The following GRM7 variants were observed in gnomAD, a reference collection of about 807,000 sequenced individuals.
GRM7 encodes the protein glutamate metabotropic receptor 7, also known as metabotropic glutamate receptor 7.
GRM7 carries 35 observed loss-of-function variants against 84.5 expected under a neutral mutation model. The observed-to-expected ratio is 0.41, with a 90% CI of 0.32 to 0.55. GRM7 has a LOEUF of 0.55. Ranked by LOEUF, GRM7 falls within the 20% of genes least tolerant of loss-of-function variation. The pLI, the probability that GRM7 is intolerant of heterozygous loss-of-function variation, is 0.19. For synonymous variants in GRM7, 487 were observed against 455.1 expected, an observed-to-expected ratio of 1.07 and a Z score of -0.89; for missense variants, 1,003 against 1,194.6, an observed-to-expected ratio of 0.84 and a Z score of 2.36.
intron 1 of GRM7, chr3:6,892,564 AG>A (rs1696004779): frequency 1.3e-5 from 2 of 152,188 alleles, no homozygotes; most frequent in Admixed American, 1.3e-4. Context: ...TATTCCTGTC[AG>A]GGACAAGAGC....
At chr3:7,437,661 T>A (rs1235740973) in intron 5 of GRM7, among the ~76,000 whole-genome samples, 2 of 152,184 alleles carry the variant, frequency 1.3e-5, no homozygotes, top group African/African-American at 4.8e-5. Context: ...TATAGCTGAT[T>A]CACGTCTGCC....
At chr3:6,983,114 T>C (rs1029947355) in intron 1 of GRM7, among the ~76,000 whole-genome samples, 1 of 152,200 alleles carries the variant, frequency 6.6e-6, no homozygotes, top group Non-Finnish European at 1.5e-5. Context: ...TGTATTTTAA[T>C]TGATTTTTAT....
chr3:7,261,033 C>T (rs985459585), intron 2 of GRM7, among the ~76,000 whole-genome samples: 5 of 152,138 alleles, frequency 3.3e-5, no homozygotes, highest in African/African-American at 1.2e-4. Context: ...GCCAGTCTTC[C>T]CTGTGTCCCG....
intron 5 of GRM7, among the ~76,000 whole-genome samples, chr3:7,450,819 A>C (rs981454362): frequency 6.6e-6 from 1 of 152,184 alleles, no homozygotes; most frequent in Non-Finnish European, 1.5e-5. Flanking sequence ...CATATAAAAC[A>C]CAACTCTCTG....
At chr3:7,495,084 G>C (rs1353326702) in intron 7 of GRM7, among the ~76,000 whole-genome samples, 1 of 152,132 alleles carries the variant, frequency 6.6e-6, no homozygotes, top group African/African-American at 2.4e-5. Context: ...TTTAGCAGGA[G>C]GTAGCCACTG....
chr3:6,986,465 G>A (rs539185973), intron 1 of GRM7, among the ~76,000 whole-genome samples: 62 of 152,214 alleles, frequency 4.1e-4, no homozygotes, highest in African/African-American at 1.3e-3. Context: ...TCCACTGTAA[G>A]CATTCATTTA....
At chr3:7,090,415 T>A (rs1035545694) in intron 1 of GRM7, among the ~76,000 whole-genome samples, 3 of 152,098 alleles carry the variant, frequency 2.0e-5, no homozygotes, top group Admixed American at 1.3e-4. Flanking sequence ...GTGGGATGAA[T>A]GGATGAAAGA....
chr3:7,102,778 T>C (rs2125023818), intron 1 of GRM7, among the ~76,000 whole-genome samples: 1 of 151,810 alleles, frequency 6.6e-6, no homozygotes, highest in East Asian at 1.9e-4. Context: ...ATAAAGTCTA[T>C]TTATCTGCTT....
chr3:7,095,218 A>T (rs1489866898), intron 1 of GRM7, among the ~76,000 whole-genome samples: 1 of 152,210 alleles, frequency 6.6e-6, no homozygotes, highest in Admixed American at 6.5e-5. Context: ...TCTGAAAAGA[A>T]GGTAAATAGC....
Position 7,680,181 on chromosome 3 carries a change from A to G in GRM7, c.2584A>G (p.Ser862Gly). Residue 862 changes from serine to glycine, a missense_variant, in exon 9 of 10, where the codon AGC (serine) becomes GGC (glycine). This residue lies in a region of GRM7 where 910 missense variants were observed against 1,126.0 expected (regional missense o/e 0.81). Transcript: ENST00000357716. ...ACTCAATGTCCAGAAACGGAAGCGA[A>G]GCTTCAAGGCGGTAGTCACAGCAGC... is the stretch of plus-strand genomic sequence containing the variant. ...PELNVQKRKR[S>G]FKAVVTAATM... 6.2e-7 allele frequency: 1 copy of G among 1,614,208 alleles called. No homozygotes were observed. The highest frequency in any genetic ancestry group is 8.5e-7 in the Non-Finnish European group (1 of 1,180,024).
intron 4 of GRM7, among the ~76,000 whole-genome samples, chr3:7,390,449 TG>T: frequency 1.3e-5 from 2 of 152,296 alleles, no homozygotes; most frequent in Admixed American, 1.3e-4. Context: ...GTTTCTAAGT[TG>T]TTTCTTTTCT....
intron 1 of GRM7, among the ~76,000 whole-genome samples, chr3:7,009,101 C>G (rs1695283898): frequency 2.0e-5 from 3 of 152,154 alleles, no homozygotes; most frequent in African/African-American, 7.2e-5. Flanking sequence ...TTCTTTATCT[C>G]AAGACAAATA....
At chr3:7,335,352 T>G (rs1215135978) in intron 4 of GRM7, among the ~76,000 whole-genome samples, 1 of 152,060 alleles carries the variant, frequency 6.6e-6, no homozygotes, top group Non-Finnish European at 1.5e-5. Context: ...ATTTAAAAAT[T>G]ATTTGGATTG....
intron 1 of GRM7, among the ~76,000 whole-genome samples, chr3:6,980,886 T>C (rs532558547): frequency 3.7e-4 from 56 of 152,190 alleles, no homozygotes; most frequent in Non-Finnish European, 7.1e-4. Flanking sequence ...GGTGAGATGA[T>C]CCCTCCTCAT....
chr3:6,880,500 T>C (rs1280107385), intron 1 of GRM7, among the ~76,000 whole-genome samples: 3 of 152,234 alleles, frequency 2.0e-5, no homozygotes, highest in South Asian at 2.1e-4. Flanking sequence ...AGAATTCTTA[T>C]GGTTCACATA....
intron 2 of GRM7, among the ~76,000 whole-genome samples, chr3:7,199,572 C>T (rs1415776523): frequency 6.6e-6 from 1 of 152,196 alleles, no homozygotes; most frequent in Non-Finnish European, 1.5e-5. Context: ...TACTCACTCC[C>T]ACCAGCCCAG....
At chr3:7,588,094 G>C (rs1695605446) in intron 8 of GRM7, among the ~76,000 whole-genome samples, 1 of 152,146 alleles carries the variant, frequency 6.6e-6, no homozygotes, top group Non-Finnish European at 1.5e-5. Context: ...TGTATATTAT[G>C]GGTAATCATA....
intron 8 of GRM7, among the ~76,000 whole-genome samples, chr3:7,677,763 T>G (rs1370841408): frequency 6.6e-6 from 1 of 152,176 alleles, no homozygotes; most frequent in Non-Finnish European, 1.5e-5. Flanking sequence ...TGTATGTTAC[T>G]GGGTACATAG....
intron 2 of GRM7, among the ~76,000 whole-genome samples, chr3:7,240,633 G>T (rs1414751629): frequency 6.6e-6 from 1 of 152,084 alleles, no homozygotes; most frequent in Admixed American, 6.6e-5. Context: ...GGATTTAAAA[G>T]TCTGTTTCTT....
Sources: allele counts gnomAD v4.1 joint callset (sites outside exome capture counted in the v4.1 genomes callset), GRCh38; gene constraint gnomAD v4.1.1; regional missense constraint gnomAD v4.1.1; transcripts MANE v1.5; gene names NCBI Gene and HGNC (gene_info 2026-07-23, HGNC 2026-07-21).